The following PAPOLG variants were observed in gnomAD, a reference collection of about 807,000 sequenced individuals.
The protein encoded by PAPOLG is PAP-gamma.
A neutral mutation model predicts 99.0 loss-of-function variants in PAPOLG; 40 were observed. The ratio of observed to expected loss-of-function variants is 0.40; its 90% confidence interval spans 0.31 to 0.53. The LOEUF (loss-of-function observed/expected upper bound fraction) is 0.53, where lower values mean the gene tolerates loss of function less well. Ranked by LOEUF, PAPOLG falls within the 20% of genes least tolerant of loss-of-function variation. PAPOLG has a pLI of 0.41. For synonymous variants in PAPOLG, 310 were observed against 299.3 expected (o/e 1.04, Z -0.37); for missense variants, 675 against 884.1 (o/e 0.76, Z 3.00).
intron 11 of PAPOLG, 112 bp from the exon 12 acceptor site, chr2:60,782,574 A>T: frequency 7.4e-7 from 1 of 1,348,406 alleles, no homozygotes; most frequent in Non-Finnish European, 9.6e-7. Flanking sequence ...GAAAAAAAAA[A>T]ATTTCGTCTG....
Position 60,770,830 on chromosome 2 carries a change from A to T in PAPOLG, c.492+319A>T, listed in dbSNP as rs371998872. On this transcript the variant is annotated intron_variant, in intron 6 of 21. Transcript: ENST00000238714. ...AGTAGAGACGGGGTTTCACCGTGTT[A>T]GCCAGGATGGTCTCAATCTCCTGAC... 4.0e-3 allele frequency among the ~76,000 whole-genome samples: 607 copies of T among 152,134 alleles called. 4 individuals carry two copies. The highest frequency in any genetic ancestry group is 0.014 in the African/African-American group (580 of 41,510).
chr2:60,771,540 C>T lies in PAPOLG; in HGVS notation c.514C>T (p.Leu172=). The T allele has an allele frequency of 6.3e-7, 1 of 1,596,306 alleles. No individual in the cohort carries two copies. Among genetic ancestry groups the T allele is most frequent in the East Asian group, 2.3e-5 (1 of 44,296 alleles). The change falls in exon 7 of 22, where the codon CTG becomes TTG. Residue 172 remains leucine, a synonymous_variant. Coordinates refer to ENST00000238714, the MANE Select transcript of PAPOLG (RefSeq NM_022894.4). The part of the protein sequence containing the change: ...GIEIDLVFAR[L]AIQTISDNLD... ...AAAGATTGATCTAGTCTTTGCAAGA[C>T]TGGCAATACAAACCATATCAGATAA...
chr2:60,792,315 T>G, intron 17 of PAPOLG, 26 bp downstream of exon 17: 1 of 1,565,510 alleles, frequency 6.4e-7, no homozygotes, highest in Non-Finnish European at 8.7e-7. Flanking sequence ...AAATGTGTCC[T>G]TTTGGTTTTC....
intron 7 of PAPOLG, among the ~76,000 whole-genome samples, chr2:60,772,524 A>G (rs1316009440): frequency 6.6e-6 from 1 of 151,968 alleles, no homozygotes; most frequent in Non-Finnish European, 1.5e-5. Flanking sequence ...CAAGGCAGGC[A>G]GATCACCTGA....
chr2:60,791,540 G>A lies in PAPOLG; in HGVS notation c.1397-221G>A, dbSNP rs146141912. On this transcript the variant is annotated intron_variant, in intron 15 of 21. Transcript: ENST00000238714. Reference sequence around the variant, plus strand: ...GCACTCCAGCCTGGGCAGCAAGAGTGAAACTCCATCTCAAAAAAAGAAAAA... The same window carrying A: ...GCACTCCAGCCTGGGCAGCAAGAGTAAAACTCCATCTCAAAAAAAGAAAAA... 3.0e-4 allele frequency: 104 copies of A among 345,666 alleles called. 1 individual carries two copies. The East Asian group carries it at 4.2e-3, about 14-fold the overall frequency. The allele number at this position is 345,666 out of a possible 1,614,324, so 21.4% of individuals were successfully genotyped here. A position where few individuals can be genotyped will look rare whatever the true frequency, so the allele number is the denominator to read the frequency against.
chr2:60,762,205 G>A (rs1670540327), intron 3 of PAPOLG, among the ~76,000 whole-genome samples: 1 of 152,006 alleles, frequency 6.6e-6, no homozygotes, highest in Non-Finnish European at 1.5e-5. Flanking sequence ...ACCACTCCCT[G>A]TTTTCTTTGC....
At position 60,791,920 on chromosome 2, in the gene PAPOLG, TCAGA is replaced by T. The variant is rs754761203; in HGVS notation, c.1518+41_1518+44del. On this transcript the variant is annotated intron_variant, in intron 16 of 21. Coordinates refer to ENST00000238714, the MANE Select transcript of PAPOLG (RefSeq NM_022894.4). ...TCTTAACCCTTCAGTATGGTTTTACTCAGACAAATGATCTGGGACCAAATTTGCA... is the reference window on the plus strand; with the variant it reads ...TCTTAACCCTTCAGTATGGTTTTACTCAAATGATCTGGGACCAAATTTGCA... The T allele has an allele frequency of 4.5e-5, 72 of 1,594,108 alleles. 1 individual carries two copies. The Admixed American group carries it at 8.1e-4, about 18-fold the overall frequency.
At chr2:60,777,154 C>T (rs537562671) in intron 8 of PAPOLG, among the ~76,000 whole-genome samples, 38 of 152,120 alleles carry the variant, frequency 2.5e-4, no homozygotes, top group Admixed American at 1.1e-3. Flanking sequence ...CCATCCAGAC[C>T]GTTAAAATTT....
chr2:60,797,140 C>T lies in PAPOLG; in HGVS notation c.2191C>T (p.Arg731Ter), dbSNP rs771275176. Residue 731 changes from arginine (R) to a stop codon, truncating the protein, a stop_gained, in exon 22 of 22, where the codon CGA becomes TGA. Coordinates refer to ENST00000238714, the MANE Select transcript of PAPOLG (RefSeq NM_022894.4). LOFTEE classifies it high-confidence loss of function. Reference protein sequence around the residue: ...NNIRVIKNSIRLTLNR With the variant: ...NNIRVIKNSI ...CATCCGTGTCATCAAAAATTCCATT[C>T]GACTGACCCTTAATCGGTAAAAGCA... The T allele has an allele frequency of 7.4e-6, 12 of 1,613,980 alleles. No individual in the cohort carries two copies. The highest frequency in any genetic ancestry group is 1.7e-5 in the Admixed American group (1 of 59,994).
At chr2:60,790,269 A>G (rs1026664571) in intron 15 of PAPOLG, among the ~76,000 whole-genome samples, 2 of 152,152 alleles carry the variant, frequency 1.3e-5, no homozygotes, top group African/African-American at 4.8e-5. Context: ...TAGGGCTTAA[A>G]TTTTTTAGAA....
At chr2:60,783,322 C>CACT in intron 13 of PAPOLG, 113 bp downstream of exon 13, 1 of 265,026 alleles carries the variant, frequency 3.8e-6, no homozygotes, top group Non-Finnish European at 5.9e-6. Context: ...ATTATTATAT[C>CACT]TCTTTTTTTT....
At chr2:60,792,582 TGTTAA>T (rs1454470187) in intron 17 of PAPOLG, among the ~76,000 whole-genome samples, 2 of 152,148 alleles carry the variant, frequency 1.3e-5, no homozygotes, top group Non-Finnish European at 2.9e-5. Context: ...TTCAATGAAA[TGTTAA>T]AGTACAGGCC....
chr2:60,793,573 G>GA, intron 17 of PAPOLG, 54 bp from the exon 18 acceptor site: 1 of 1,588,490 alleles, frequency 6.3e-7, no homozygotes, highest in South Asian at 1.1e-5. Context: ...CAAAAAAGGA[G>GA]AAAAAAAGTA....
chr2:60,756,996 C>T (rs1670365973), intron 1 of PAPOLG, among the ~76,000 whole-genome samples: 1 of 152,152 alleles, frequency 6.6e-6, no homozygotes, highest in Non-Finnish European at 1.5e-5. Context: ...TCTCCCTCAC[C>T]CCCTGCTTCC....
intron 13 of PAPOLG, among the ~76,000 whole-genome samples, chr2:60,785,396 C>T (rs1671330339): frequency 6.6e-6 from 1 of 152,204 alleles, no homozygotes; most frequent in Non-Finnish European, 1.5e-5. Context: ...CTTGGCCTCC[C>T]AGAGTGCTGG....
intron 7 of PAPOLG, among the ~76,000 whole-genome samples, chr2:60,773,714 C>A (rs923944720): frequency 5.2e-5 from 7 of 135,688 alleles, no homozygotes; most frequent in South Asian, 2.3e-4. Flanking sequence ...AAAAAAAAAA[C>A]CAGCAGTCAT....
chr2:60,781,225 T>G (rs189777648), intron 10 of PAPOLG, among the ~76,000 whole-genome samples: 99 of 152,178 alleles, frequency 6.5e-4, no homozygotes, highest in African/African-American at 2.4e-3. Context: ...GGCGTGGTGG[T>G]GCACACCTGT....
At chr2:60,757,086 G>T (rs1029544079) in intron 1 of PAPOLG, among the ~76,000 whole-genome samples, 1 of 152,074 alleles carries the variant, frequency 6.6e-6, no homozygotes, top group African/African-American at 2.4e-5. Flanking sequence ...TACTTGGCAA[G>T]ATTTTGTTGT....
chr2:60,793,683 C>G lies in PAPOLG; in HGVS notation c.1736C>G (p.Ala579Gly). 2 of 1,613,540 alleles carry G rather than the reference C, an allele frequency of 1.2e-6. No individual in the cohort carries two copies. Among genetic ancestry groups the G allele is most frequent in the Non-Finnish European group, 1.7e-6 (2 of 1,179,636 alleles). Residue 579 changes from alanine (A) to glycine (G), a missense_variant, in exon 18 of 22, where the codon GCC becomes GGC. By Grantham distance (60) the Ala-to-Gly change is moderately conservative. This residue lies in a region of PAPOLG where 413 missense variants were observed against 460.5 expected (regional missense o/e 0.90). Transcript: ENST00000238714. ...GAGAAGCCACTGAGTGTACCACCAG[C>G]CCAAGGACTTTCCATTCCAGTGATT... ...IVEKPLSVPP[A>G]QGLSIPVIGA... is the part of the protein sequence containing the mutation.
Sources: allele counts gnomAD v4.1 joint callset (sites outside exome capture counted in the v4.1 genomes callset), GRCh38; gene constraint gnomAD v4.1.1; regional missense constraint gnomAD v4.1.1; transcripts MANE v1.5; gene names NCBI Gene and HGNC (gene_info 2026-07-23, HGNC 2026-07-21).